CDK17: variants seen among roughly 807,000 people sequenced by gnomAD.
CDK17 encodes the protein cyclin dependent kinase 17, also known as cyclin-dependent kinase 17.
Under a neutral mutation model 77.6 loss-of-function variants are expected in CDK17, and 24 were observed. The ratio of observed to expected loss-of-function variants is 0.31; its 90% CI spans 0.22 to 0.44. CDK17 has a LOEUF of 0.44. Ranked by LOEUF, CDK17 falls within the 20% of genes least tolerant of loss-of-function variation. The pLI is 1.00. For synonymous variants in CDK17, 203 were observed against 210.4 expected, an observed-to-expected ratio of 0.96 and a Z score of 0.30; for missense variants, 429 against 622.5, an observed-to-expected ratio of 0.69 and a Z score of 3.31.
chr12:96,284,462 CA>C (rs1047611562), intron 13 of CDK17: 258 of 56,476 alleles, frequency 4.6e-3, no homozygotes, highest in African/African-American at 0.012. Flanking sequence ...CTCTGTCTCC[CA>C]AAAAAAAAAA....
At chr12:96,283,145 A>G (rs1029098792) in intron 14 of CDK17, among the ~76,000 whole-genome samples, 4 of 152,158 alleles carry the variant, frequency 2.6e-5, no homozygotes, top group Non-Finnish European at 1.5e-5. Context: ...GGCCAATAAG[A>G]CTTGGAAAGA....
At chr12:96,382,140 A>G (rs991311891) in intron 1 of CDK17, among the ~76,000 whole-genome samples, 1 of 152,144 alleles carries the variant, frequency 6.6e-6, no homozygotes, top group Admixed American at 6.6e-5. Context: ...GGAAAGGGAT[A>G]TCGCATGTTC....
At chr12:96,314,928 G>A (rs1325640258) in intron 3 of CDK17, among the ~76,000 whole-genome samples, 3 of 152,046 alleles carry the variant, frequency 2.0e-5, no homozygotes, top group Non-Finnish European at 4.4e-5. Flanking sequence ...TGACTACTGT[G>A]CCCCCACCCA....
rs1356703481 is a variant in CDK17, at chr12:96,318,657, G to A, written c.284-5203C>T. ...AGGATTAAGAATCTCACTCAAAACC[G>A]CTCAACTACATGGAAACTGAACAAC... On this transcript the variant is annotated intron_variant, in intron 3 of 16. Transcript: ENST00000261211. Among the ~76,000 whole-genome samples the A allele has an allele frequency of 1.2e-4, 17 of 144,370 alleles. No homozygotes were observed. In the East Asian group the frequency reaches 1.6e-3, roughly 14 times the overall value. The allele number at this position is 144,370 out of a possible 152,430, so 94.7% of individuals were successfully genotyped here. A position where few individuals can be genotyped will look rare whatever the true frequency, so the allele number is the denominator to read the frequency against.
chr12:96,312,690 A>G (rs1350604484), intron 4 of CDK17, among the ~76,000 whole-genome samples: 1 of 152,178 alleles, frequency 6.6e-6, no homozygotes, highest in Non-Finnish European at 1.5e-5. Flanking sequence ...AACCTATTTT[A>G]GTTTACAGTA....
chr12:96,358,620 G>A (rs1191968514), intron 1 of CDK17, among the ~76,000 whole-genome samples: 6 of 151,884 alleles, frequency 4.0e-5, no homozygotes, highest in South Asian at 2.1e-4. Flanking sequence ...TCAGGAGTTC[G>A]AGACCAGCCT....
Position 96,313,268 on chromosome 12 carries a change from AC to A in CDK17, c.417+52del. 2.8e-6 allele frequency: 4 copies of A among 1,431,604 alleles called. No homozygotes were observed. The South Asian group carries it at 5.5e-5, about 20-fold the overall frequency. The allele number at this position is 1,431,604 out of a possible 1,614,324, so 88.7% of individuals were successfully genotyped here. On this transcript the variant is annotated intron_variant, in intron 4 of 16. Coordinates refer to ENST00000261211, the MANE Select transcript of CDK17 (RefSeq NM_002595.5). ...CTCCACTTGATATGTATGTGTATTA[AC>A]ATATACCAACACACATATTCACAAG...
chr12:96,352,523 T>C (rs990682946), intron 1 of CDK17, among the ~76,000 whole-genome samples: 3 of 152,188 alleles, frequency 2.0e-5, no homozygotes, highest in African/African-American at 4.8e-5. Flanking sequence ...CGAGATTGCC[T>C]GAATCTCACA....
At chr12:96,363,167 C>T (rs1201875969) in intron 1 of CDK17, among the ~76,000 whole-genome samples, 1 of 151,796 alleles carries the variant, frequency 6.6e-6, no homozygotes, top group Non-Finnish European at 1.5e-5. Context: ...TTAGAACCCC[C>T]TGGCCAGGCA....
chr12:96,322,944 T>G (rs1342643883), intron 3 of CDK17, among the ~76,000 whole-genome samples: 1 of 152,176 alleles, frequency 6.6e-6, no homozygotes, highest in African/African-American at 2.4e-5. Flanking sequence ...AAAGGCTATA[T>G]GCAGTTCTCA....
intron 2 of CDK17, among the ~76,000 whole-genome samples, chr12:96,332,972 TTTTC>T (rs898570294): frequency 6.6e-6 from 1 of 152,202 alleles, no homozygotes; most frequent in African/African-American, 2.4e-5. Context: ...GACTCATATC[TTTTC>T]TTTAGGAAAA....
intron 2 of CDK17, among the ~76,000 whole-genome samples, chr12:96,328,641 T>C (rs1421704561): frequency 6.6e-6 from 1 of 152,094 alleles, no homozygotes; most frequent in East Asian, 1.9e-4. Context: ...TGAGCAAAGT[T>C]TGAGTAGAGG....
At chr12:96,391,493 GT>G (rs35957426) in intron 1 of CDK17, among the ~76,000 whole-genome samples, 44,037 of 151,604 alleles carry the variant, frequency 0.29, 6,750 homozygotes, top group East Asian at 0.57. Flanking sequence ...GTTTCGCCAT[GT>G]TGCCCAGGCT....
At chr12:96,352,526 A>C (rs1186893980) in intron 1 of CDK17, among the ~76,000 whole-genome samples, 2 of 152,202 alleles carry the variant, frequency 1.3e-5, no homozygotes, top group East Asian at 3.9e-4. Flanking sequence ...GATTGCCTGA[A>C]TCTCACAGGT....
intron 5 of CDK17, among the ~76,000 whole-genome samples, chr12:96,301,772 T>C (rs1174129102): frequency 6.6e-6 from 1 of 152,168 alleles, no homozygotes; most frequent in African/African-American, 2.4e-5. Flanking sequence ...CTTGGAACTG[T>C]GGAATAAAAT....
Position 96,400,439 on chromosome 12 carries a change from T to G in CDK17, c.-483A>C, listed in dbSNP as rs1743383485. ...GCTTTCACACTCGGCGGCTGCGGAT[T>G]GACGCCTCCGCCTGTTCCCCGGAGG... On this transcript the variant is annotated 5_prime_UTR_variant, in exon 1 of 17. Transcript: ENST00000261211. 2 of 379,488 alleles carry G rather than the reference T, an allele frequency of 5.3e-6. No individual in the cohort carries two copies. The highest frequency in any genetic ancestry group is 1.5e-4 in the South Asian group (1 of 6,890). 23.5% of individuals were successfully genotyped at this position (379,488 alleles called of 1,614,324 possible).
intron 1 of CDK17, among the ~76,000 whole-genome samples, chr12:96,368,410 T>C (rs1026713638): frequency 2.0e-5 from 3 of 152,122 alleles, no homozygotes; most frequent in African/African-American, 7.2e-5. Flanking sequence ...TTAAATTGTG[T>C]GAACTTGCTC....
chr12:96,376,112 G>T (rs1953777769), intron 1 of CDK17, among the ~76,000 whole-genome samples: 1 of 152,120 alleles, frequency 6.6e-6, no homozygotes, highest in Non-Finnish European at 1.5e-5. Context: ...TCAACAACAT[G>T]ACTTTGCTAT....
chr12:96,393,350 G>A (rs1229403811), intron 1 of CDK17, among the ~76,000 whole-genome samples: 1 of 32,240 alleles, frequency 3.1e-5, no homozygotes, highest in Non-Finnish European at 4.9e-5. Context: ...GTGAGGCTCC[G>A]CCTCAAAAAA....
Sources: allele counts gnomAD v4.1 joint callset (sites outside exome capture counted in the v4.1 genomes callset), GRCh38; gene constraint gnomAD v4.1.1; transcripts MANE v1.5; gene names NCBI Gene and HGNC (gene_info 2026-07-23, HGNC 2026-07-21).